The following NADK variants were observed in gnomAD, a reference collection of about 807,000 sequenced individuals.
The protein encoded by NADK is poly(P)/ATP NAD kinase.
A neutral mutation model predicts 49.8 loss-of-function variants in NADK; 22 were observed. The ratio of observed to expected loss-of-function variants is 0.44; its 90% CI spans 0.32 to 0.63. The LOEUF is 0.63. Ranked by LOEUF, NADK falls within the 30% of genes least tolerant of loss-of-function variation. The probability of loss-of-function intolerance (pLI) is 0.06; values close to 1 mark genes in which losing one functional copy is unlikely to be tolerated. For synonymous variants in NADK, 268 were observed against 253.7 expected, an observed-to-expected ratio of 1.06 and a Z score of -0.54; for missense variants, 438 against 609.4, an observed-to-expected ratio of 0.72 and a Z score of 2.96.
intron 2 of NADK, among the ~76,000 whole-genome samples, chr1:1,762,640 C>T (rs1332678434): frequency 2.0e-5 from 3 of 152,022 alleles, no homozygotes; most frequent in Non-Finnish European, 2.9e-5. Context: ...GCCTGCAGTC[C>T]GAGCTACTCA....
chr1:1,752,848 C>T lies in NADK; in HGVS notation c.*56G>A. ...CACAGACACACGCAGATTGGTCTGTCCCCAGAGGGCGCTTGGAGGGCAGCG... is the reference window on the plus strand; with the variant it reads ...CACAGACACACGCAGATTGGTCTGTTCCCAGAGGGCGCTTGGAGGGCAGCG... On this transcript the variant is annotated 3_prime_UTR_variant, in exon 12 of 12. Coordinates refer to ENST00000341426, the MANE Select transcript of NADK (RefSeq NM_023018.5). 1 of 1,578,168 alleles carries T rather than the reference C, an allele frequency of 6.3e-7. No homozygotes were observed. Among genetic ancestry groups the T allele is most frequent in the South Asian group, 1.2e-5 (1 of 85,058 alleles).
In NADK at chr1:1,752,700, C is replaced by A. The variant is rs892021303; in HGVS notation, c.*204G>T. On this transcript the variant is annotated 3_prime_UTR_variant, in exon 12 of 12. Coordinates refer to ENST00000341426, the MANE Select transcript of NADK (RefSeq NM_023018.5). ...AGAAGCACTCCCAGCCCATTTCTCA[C>A]GCTTCTTTAGAAATGCAAAAAAAGT... is the stretch of plus-strand genomic sequence containing the variant. 1 of 600,726 alleles carries A rather than the reference C, an allele frequency of 1.7e-6. No individual in the cohort carries two copies. The highest frequency in any genetic ancestry group is 2.8e-6 in the Non-Finnish European group (1 of 360,710). 37.2% of individuals were successfully genotyped at this position (600,726 alleles called of 1,614,324 possible). A position where few individuals can be genotyped will look rare whatever the true frequency, so the allele number is the denominator to read the frequency against.
chr1:1,752,957 G>T lies in NADK; in HGVS notation c.1288C>A (p.Arg430=). 6.3e-7 allele frequency: 1 copy of T among 1,598,662 alleles called. No homozygotes were observed. Among genetic ancestry groups the T allele is most frequent in the South Asian group, 1.1e-5 (1 of 89,108 alleles). Residue 430 remains arginine, a synonymous_variant, in exon 12 of 12, where the codon CGG becomes AGG. Transcript: ENST00000341426. ...SLAQCLHWNV[R]KKQAHFEEEE... ...TCCTCGAAGTGGGCTTGCTTCTTCC[G>T]GACGTTCCAATGCAGGCACTGGGCG...
At position 1,751,303 on chromosome 1, in the gene NADK, A is replaced by AT. The variant is rs1490817232; in HGVS notation, c.*1600dup. ...TAAGGCTTTCAATGACATTTAATAC[A>AT]TTTTCAAGAAATTAATATGAAACAT... is the stretch of plus-strand genomic sequence containing the variant. On this transcript the variant is annotated 3_prime_UTR_variant, in exon 12 of 12. Coordinates refer to ENST00000341426, the MANE Select transcript of NADK (RefSeq NM_023018.5). The AT allele has an allele frequency of 1.2e-5, 1 of 85,394 alleles. No homozygotes were observed. The highest frequency in any genetic ancestry group is 4.1e-5 in the African/African-American group (1 of 24,544). The allele number at this position is 85,394 out of a possible 1,614,324, so 5.3% of individuals were successfully genotyped here. A position where few individuals can be genotyped will look rare whatever the true frequency, so the allele number is the denominator to read the frequency against.
rs1645453338 is a variant in NADK, at chr1:1,754,678, G to A, written c.709C>T (p.Arg237Trp). The change falls in exon 8 of 12, where the codon CGG becomes TGG. Residue 237 changes from arginine to tryptophan, a missense_variant. Coordinates refer to ENST00000341426, the MANE Select transcript of NADK (RefSeq NM_023018.5). This position sits in a 1 kb window ranked among gnomAD's most constrained non-coding sequence, Gnocchi z 4.3. ...VIEGNAAVVLRSRLKVRVVKE... is the reference protein window; with the variant it reads ...VIEGNAAVVLWSRLKVRVVKE... ...ACCACCCTGACCTTCAGCCGACTCC[G>A]GAGAACAACAGCTGCGTTCCCTGAG... The A allele has an allele frequency of 6.2e-7, 1 of 1,613,436 alleles. No homozygotes were observed. The highest frequency in any genetic ancestry group is 8.5e-7 in the Non-Finnish European group (1 of 1,179,726).
chr1:1,775,424 A>G (rs1038298579), intron 1 of NADK, among the ~76,000 whole-genome samples: 4 of 152,248 alleles, frequency 2.6e-5, no homozygotes, highest in African/African-American at 9.6e-5. Context: ...TGCCCACTAA[A>G]TTACCCATCT....
At position 1,751,621 on chromosome 1, in the gene NADK, A is replaced by C; in HGVS notation, c.*1283T>G. The stretch of plus-strand genomic sequence containing the variant: ...TGCCCAGACGAGGGTGAGCAGGGAG[A>C]CACATGCCTCGGAGAACGTGCCCAG... On this transcript the variant is annotated 3_prime_UTR_variant, in exon 12 of 12. Transcript: ENST00000341426. 7.4e-6 allele frequency: 1 copy of C among 135,866 alleles called. No individual in the cohort carries two copies. The highest frequency in any genetic ancestry group is 2.7e-5 in the African/African-American group (1 of 37,710). 8.4% of individuals were successfully genotyped at this position (135,866 alleles called of 1,614,324 possible).
At chr1:1,756,982 T>G (rs1475835007) in intron 4 of NADK, 199 bp downstream of exon 4, 1 of 925,282 alleles carries the variant, frequency 1.1e-6, no homozygotes. Flanking sequence ...TCATTGTTGG[T>G]CACCCAGTCT....
chr1:1,753,425 G>C (rs1425220570), intron 11 of NADK, 142 bp downstream of exon 11: 7 of 679,400 alleles, frequency 1.0e-5, no homozygotes, highest in Non-Finnish European at 1.7e-5. Context: ...CCCCGACTGT[G>C]ATGCTGCAAG....
intron 1 of NADK, among the ~76,000 whole-genome samples, chr1:1,767,797 A>C (rs887022535): frequency 2.0e-5 from 3 of 152,100 alleles, no homozygotes; most frequent in Non-Finnish European, 4.4e-5. Flanking sequence ...TATAGGTGTG[A>C]GCCACTCCAC....
Position 1,753,554 on chromosome 1 carries a change from A to G in NADK, c.1184+13T>C, listed in dbSNP as rs772172403. On this transcript the variant is annotated intron_variant, in intron 11 of 11. Coordinates refer to ENST00000341426, the MANE Select transcript of NADK (RefSeq NM_023018.5). ...GTTGGCAGGCAGCGCCCAGCCCGGC[A>G]TGCAGCCCACACCTGTCTCCATGGC... The G allele has an allele frequency of 6.2e-7, 1 of 1,608,380 alleles. No homozygotes were observed. The highest frequency in any genetic ancestry group is 8.5e-7 in the Non-Finnish European group (1 of 1,176,844).
At chr1:1,766,384 C>G (rs939767871) in intron 1 of NADK, among the ~76,000 whole-genome samples, 2 of 102,928 alleles carry the variant, frequency 1.9e-5, no homozygotes, top group African/African-American at 7.9e-5. Context: ...CCAGCCTGGG[C>G]AACAAGAACG....
chr1:1,759,933 C>T, intron 3 of NADK: 3 of 1,549,160 alleles, frequency 1.9e-6, no homozygotes, highest in East Asian at 4.9e-5. Context: ...AGGGAGGGCA[C>T]CAGGCAGCGG....
chr1:1,766,410 CAAAAAAAAAAAAAAAAAAAAAAAAAAAAA>C (rs70937193), intron 1 of NADK, among the ~76,000 whole-genome samples: 48 of 27,004 alleles, frequency 1.8e-3, no homozygotes, highest in South Asian at 5.0e-3. Context: ...AACTCCGTCT[CAAAAAAAAAAAAAAAAAAAAAAAAAAAAA>C]AAAAAAAAAA....
intron 1 of NADK, among the ~76,000 whole-genome samples, chr1:1,774,873 C>T (rs1029881993): frequency 2.0e-5 from 3 of 151,970 alleles, no homozygotes; most frequent in Non-Finnish European, 1.5e-5. Flanking sequence ...TTTGGGAGGC[C>T]GAGGCGGGCA....
intron 11 of NADK, 68 bp downstream of exon 11, chr1:1,753,499 A>G (rs1181554823): frequency 2.2e-6 from 3 of 1,360,588 alleles, no homozygotes; most frequent in Non-Finnish European, 3.1e-6. Flanking sequence ...CAACCGCAAG[A>G]GGGCAGGCGC....
chr1:1,753,103 G>A, intron 11 of NADK, 43 bp from the exon 12 acceptor site: 1 of 1,577,564 alleles, frequency 6.3e-7, no homozygotes, highest in Non-Finnish European at 8.6e-7. Flanking sequence ...CTTCCAGAAA[G>A]GCCCACCCCC....
At chr1:1,753,253 C>T (rs1010882482) in intron 11 of NADK, among the ~76,000 whole-genome samples, 193 bp from the exon 12 acceptor site, 2 of 151,962 alleles carry the variant, frequency 1.3e-5, no homozygotes, top group African/African-American at 4.8e-5. Context: ...CTGGAGGGGA[C>T]GGTGCAGGGA....
Position 1,754,165 on chromosome 1 carries a change from G to A in NADK, c.987C>T (p.Ala329=), listed in dbSNP as rs755008808. Reference sequence around the variant, plus strand: ...GGTGGATCATGGAGGCCCCGGCCGCGGCCGCATACGCCGTGCTGCCCGTCG... The same window carrying A: ...GGTGGATCATGGAGGCCCCGGCCGCAGCCGCATACGCCGTGCTGCCCGTCG... ...STPTGSTAYA[A]AAGASMIHPN... is the part of the protein sequence containing the mutation. The change falls in exon 10 of 12, where the codon GCC becomes GCT. Residue 329 remains alanine (A), a synonymous_variant. Coordinates refer to ENST00000341426, the MANE Select transcript of NADK (RefSeq NM_023018.5). This position sits in a 1 kb window ranked among gnomAD's most constrained non-coding sequence, Gnocchi z 4.3. 3.4e-5 allele frequency: 55 copies of A among 1,612,154 alleles called. No homozygotes were observed. Among genetic ancestry groups the A allele is most frequent in the Admixed American group, 8.4e-5 (5 of 59,848 alleles).
Sources: gnomAD v4.1 joint callset for allele counts (sites outside exome capture counted in the v4.1 genomes callset) on GRCh38, gnomAD v4.1.1 for gene constraint, Gnocchi (gnomAD v3.1) non-coding constraint, MANE v1.5 for transcripts, NCBI Gene and HGNC (gene_info 2026-07-23, HGNC 2026-07-21) for gene names.